The following RAI14 variants were observed in gnomAD, a reference collection of about 807,000 sequenced individuals.
RAI14 encodes retinoic acid induced 14, also known as ankycorbin.
In RAI14, 45 loss-of-function variants were observed where a neutral mutation model predicts 115.4. The ratio of observed to expected loss-of-function variants is 0.39; its 90% CI spans 0.31 to 0.50. RAI14 has a LOEUF of 0.50. Ranked by LOEUF, RAI14 falls within the 20% of genes least tolerant of loss-of-function variation. RAI14 has a pLI of 0.85. For missense variants in RAI14, 939 were observed against 1,131.2 expected (o/e 0.83, Z 2.44); for synonymous variants, 371 against 415.4 (o/e 0.89, Z 1.30).
Position 34,823,268 on chromosome 5 carries a change from G to C in RAI14, c.1426G>C (p.Glu476Gln). 6.2e-7 allele frequency: 1 copy of C among 1,614,040 alleles called. No homozygotes were observed. Among genetic ancestry groups the C allele is most frequent in the Non-Finnish European group, 8.5e-7 (1 of 1,180,028 alleles). The change falls in exon 15 of 18, where the codon GAG becomes CAG. Residue 476 changes from glutamate to glutamine, a missense_variant. Transcript: ENST00000265109. This position sits in a 1 kb window ranked among gnomAD's most constrained non-coding sequence, Gnocchi z 4.5. ...LVCLNNTEIS[E>Q]NSSDLSQKLK... ...ATGCTTAAACAACACTGAGATTTCA[G>C]AGAACAGCTCTGACCTCAGCCAGAA...
intron 1 of RAI14, among the ~76,000 whole-genome samples, chr5:34,684,275 C>G (rs1205484166): frequency 2.0e-5 from 3 of 152,134 alleles, no homozygotes; most frequent in African/African-American, 7.2e-5. Context: ...GAAGATTCAA[C>G]CAAGGAAGTT....
At chr5:34,752,145 A>G (rs1431455130) in intron 2 of RAI14, among the ~76,000 whole-genome samples, 1 of 152,216 alleles carries the variant, frequency 6.6e-6, no homozygotes, top group Non-Finnish European at 1.5e-5. Context: ...AGAGATTTGA[A>G]GAAAGTATTT....
At chr5:34,754,369 T>A (rs1168116042) in intron 2 of RAI14, among the ~76,000 whole-genome samples, 1 of 152,164 alleles carries the variant, frequency 6.6e-6, no homozygotes, top group Admixed American at 6.5e-5. Flanking sequence ...AGTTTTAGCA[T>A]GCTTGTGAGA....
chr5:34,825,560 T>C (rs1757348487), intron 15 of RAI14, among the ~76,000 whole-genome samples: 1 of 152,070 alleles, frequency 6.6e-6, no homozygotes, highest in Non-Finnish European at 1.5e-5. Context: ...AAAGCTACCC[T>C]CGCCGGTCCC....
chr5:34,682,378 G>A (rs1382387109), intron 1 of RAI14, among the ~76,000 whole-genome samples: 1 of 150,550 alleles, frequency 6.6e-6, no homozygotes, highest in African/African-American at 2.5e-5. Flanking sequence ...CATATCCATT[G>A]TAAGGGTTTT....
chr5:34,813,488 T>G, intron 10 of RAI14, 86 bp from the exon 11 acceptor site: 1 of 800,090 alleles, frequency 1.2e-6, no homozygotes, highest in African/African-American at 1.8e-5. Flanking sequence ...TTTGAGGTTT[T>G]TCTCATGTGT....
Position 34,733,706 on chromosome 5 carries a change from T to C in RAI14, c.37-23762T>C, listed in dbSNP as rs573098541. ...GGGATCAACCTGTCTCCCGCAAAGG[T>C]TGGGGACAGAGAGGAAGCACTGGGG... is the stretch of plus-strand genomic sequence containing the variant. On this transcript the variant is annotated intron_variant, in intron 2 of 17. Transcript: ENST00000265109. Among the ~76,000 whole-genome samples, 15 of 152,298 alleles carry C rather than the reference T, an allele frequency of 9.8e-5. 1 individual carries two copies. In the South Asian group the frequency reaches 3.1e-3, roughly 32 times the overall value.
rs115586607 is a variant in RAI14, at chr5:34,725,060, C to A, written c.37-32408C>A. Among the ~76,000 whole-genome samples, 496 of 151,342 alleles carry A rather than the reference C, an allele frequency of 3.3e-3. 1 individual carries two copies. The highest frequency in any genetic ancestry group is 0.012 in the African/African-American group (478 of 41,270). On this transcript the variant is annotated intron_variant, in intron 2 of 17. Coordinates refer to ENST00000265109, the MANE Select transcript of RAI14 (RefSeq NM_015577.3). Reference sequence around the variant, plus strand: ...GAGAGAGAGAGAGGGAAAAAAAAAACCAACTTCATTATGATTTAAATTAAT... The same window carrying A: ...GAGAGAGAGAGAGGGAAAAAAAAAAACAACTTCATTATGATTTAAATTAAT...
At chr5:34,683,889 G>A (rs1044552475) in intron 1 of RAI14, among the ~76,000 whole-genome samples, 5 of 152,060 alleles carry the variant, frequency 3.3e-5, no homozygotes, top group East Asian at 1.9e-4. Flanking sequence ...CATCACGCCC[G>A]GCTAATTTTT....
intron 13 of RAI14, among the ~76,000 whole-genome samples, chr5:34,819,911 A>G (rs1756650381): frequency 6.6e-6 from 1 of 152,174 alleles, no homozygotes; most frequent in South Asian, 2.1e-4. Flanking sequence ...CCCTAGAAAC[A>G]TTAAACTTTC....
At chr5:34,679,271 GC>G (rs1744219818) in intron 1 of RAI14, among the ~76,000 whole-genome samples, 1 of 152,194 alleles carries the variant, frequency 6.6e-6, no homozygotes, top group African/African-American at 2.4e-5. Context: ...TGCACCATGG[GC>G]TAAAATGACT....
chr5:34,743,839 C>T (rs1456496937), intron 2 of RAI14, among the ~76,000 whole-genome samples: 1 of 152,184 alleles, frequency 6.6e-6, no homozygotes, highest in African/African-American at 2.4e-5. Flanking sequence ...AATTAGCACT[C>T]ACGTAGAATT....
chr5:34,791,183 G>A lies in RAI14; in HGVS notation c.168-4756G>A, dbSNP rs1752878918. Reference sequence around the variant, plus strand: ...GTGTTGGTGCCCATATGTATTGTTTGGGGTTTGGTTATTCTCTCAAAACCA... The same window carrying A: ...GTGTTGGTGCCCATATGTATTGTTTAGGGTTTGGTTATTCTCTCAAAACCA... On this transcript the variant is annotated intron_variant, in intron 3 of 17. Transcript: ENST00000265109. The surrounding 1 kb of genome is among the most constrained non-coding windows in gnomAD (Gnocchi z 5.4). 6.6e-6 allele frequency among the ~76,000 whole-genome samples: 1 copy of A among 151,984 alleles called. No homozygotes were observed. Among genetic ancestry groups the A allele is most frequent in the African/African-American group, 2.4e-5 (1 of 41,366 alleles).
chr5:34,728,181 C>T (rs1743717801), intron 2 of RAI14, among the ~76,000 whole-genome samples: 1 of 152,152 alleles, frequency 6.6e-6, no homozygotes, highest in South Asian at 2.1e-4. Context: ...AATGTCTGTA[C>T]CCCCACTGTA....
chr5:34,709,129 CAA>C (rs35361351), intron 2 of RAI14, among the ~76,000 whole-genome samples: 1,736 of 95,952 alleles, frequency 0.018, 26 homozygotes, highest in African/African-American at 0.057. Context: ...GACCCTATCT[CAA>C]AAAAAAAAAA....
chr5:34,727,319 T>G (rs535740642), intron 2 of RAI14, among the ~76,000 whole-genome samples: 1 of 152,312 alleles, frequency 6.6e-6, no homozygotes, highest in South Asian at 2.1e-4. Flanking sequence ...CGGCAAAGCA[T>G]TCAAGAGAAA....
chr5:34,681,919 G>T (rs1233737866), intron 1 of RAI14, among the ~76,000 whole-genome samples: 1 of 148,282 alleles, frequency 6.7e-6, no homozygotes, highest in African/African-American at 2.5e-5. Context: ...GCAGTGGCAC[G>T]ATCTTGGCTC....
chr5:34,683,695 A>C (rs1409003668), intron 1 of RAI14, among the ~76,000 whole-genome samples: 1 of 150,964 alleles, frequency 6.6e-6, no homozygotes, highest in East Asian at 1.9e-4. Context: ...CTTCCACAAG[A>C]AGGGGGAAGG....
intron 1 of RAI14, among the ~76,000 whole-genome samples, chr5:34,662,799 G>T (rs1322535748): frequency 7.4e-6 from 1 of 135,120 alleles, no homozygotes; most frequent in Non-Finnish European, 1.5e-5. Context: ...GGTGATCTCG[G>T]CTCACTGCAA....
Sources: allele counts gnomAD v4.1 joint callset (sites outside exome capture counted in the v4.1 genomes callset), GRCh38; gene constraint gnomAD v4.1.1; non-coding constraint Gnocchi (gnomAD v3.1); transcripts MANE v1.5; gene names NCBI Gene and HGNC (gene_info 2026-07-23, HGNC 2026-07-21).